The following SEC14L2 variants were observed in gnomAD, a reference collection of about 807,000 sequenced individuals.
SEC14L2 encodes the protein SEC14 like lipid binding 2.
In SEC14L2, 50 loss-of-function variants were observed where a neutral mutation model predicts 56.9. That is an observed-to-expected ratio of 0.88 (90% CI 0.70 to 1.11). SEC14L2 has a LOEUF of 1.11. Ranked by LOEUF, SEC14L2 falls within the 50% of genes most tolerant of loss-of-function variation. The probability of loss-of-function intolerance (pLI) is 0.00; values close to 1 mark genes in which losing one functional copy is unlikely to be tolerated. For missense variants in SEC14L2, 414 were observed against 500.7 expected (o/e 0.83, Z 1.65); for synonymous variants, 179 against 188.5 (o/e 0.95, Z 0.41).
In SEC14L2 at chr22:30,423,606, T is replaced by G. The variant is rs2146049361; in HGVS notation, c.*1199T>G. 1 of 152,394 alleles carries G rather than the reference T, an allele frequency of 6.6e-6. No individual in the cohort carries two copies. The highest frequency in any genetic ancestry group is 2.4e-5 in the African/African-American group (1 of 41,578). 9.4% of individuals were successfully genotyped at this position (152,394 alleles called of 1,614,324 possible). A position where few individuals can be genotyped will look rare whatever the true frequency, so the allele number is the denominator to read the frequency against. ...CACAGGTGCTGGGCTTTAGAGAACA[T>G]GGGAAGGCGGCCCCAGACCTGGCGG... On this transcript the variant is annotated 3_prime_UTR_variant, in exon 12 of 12. Coordinates refer to ENST00000615189, the MANE Select transcript of SEC14L2 (RefSeq NM_012429.5).
intron 2 of SEC14L2, among the ~76,000 whole-genome samples, chr22:30,403,896 G>A (rs948018528): frequency 6.6e-5 from 10 of 151,478 alleles, no homozygotes; most frequent in East Asian, 1.9e-4. Flanking sequence ...CCAGCTACTC[G>A]GGAGGCTGAG....
chr22:30,406,752 T>C (rs28570363), intron 3 of SEC14L2, among the ~76,000 whole-genome samples: 1 of 152,190 alleles, frequency 6.6e-6, no homozygotes, highest in South Asian at 2.1e-4. Flanking sequence ...TTTTCTTTTT[T>C]ATTTTTTTCT....
chr22:30,414,903 A>G (rs140405041), intron 8 of SEC14L2, among the ~76,000 whole-genome samples: 74 of 152,290 alleles, frequency 4.9e-4, no homozygotes, highest in African/African-American at 1.7e-3. Context: ...TTATTAAGTC[A>G]CGACTTAGCT....
chr22:30,416,619 A>G, intron 11 of SEC14L2: 1 of 1,459,712 alleles, frequency 6.9e-7, no homozygotes, highest in Non-Finnish European at 9.0e-7. Flanking sequence ...CTTTGATCTC[A>G]TACTCCTAGG....
At chr22:30,416,624 C>T in intron 11 of SEC14L2, 1 of 1,456,392 alleles carries the variant, frequency 6.9e-7, no homozygotes, top group East Asian at 2.5e-5. Flanking sequence ...ATCTCATACT[C>T]CTAGGTATGG....
intron 1 of SEC14L2, chr22:30,397,566 C>T (rs1171726475): frequency 3.6e-6 from 1 of 274,130 alleles, no homozygotes; most frequent in Non-Finnish European, 7.0e-6. Flanking sequence ...CTTGTAGGGT[C>T]AGTGGCACGA....
At chr22:30,408,940 C>T in intron 5 of SEC14L2, 1 of 563,514 alleles carries the variant, frequency 1.8e-6, no homozygotes. Flanking sequence ...CCAAAGCCAT[C>T]TCAGATGTCA....
intron 11 of SEC14L2, among the ~76,000 whole-genome samples, chr22:30,417,847 GCCT>G (rs1934426674): frequency 6.6e-6 from 1 of 151,890 alleles, no homozygotes; most frequent in Admixed American, 6.6e-5. Context: ...CTGAGATTTT[GCCT>G]CCTTCCTCAC....
chr22:30,406,746 CTTTT>C (rs1456743297), intron 3 of SEC14L2, among the ~76,000 whole-genome samples: 4 of 152,014 alleles, frequency 2.6e-5, no homozygotes, highest in Admixed American at 2.6e-4. Flanking sequence ...TTTTTGTTTT[CTTTT>C]TTATTTTTTT....
chr22:30,409,006 G>C, intron 5 of SEC14L2, 181 bp from the exon 6 acceptor site: 1 of 696,696 alleles, frequency 1.4e-6, no homozygotes, highest in Non-Finnish European at 2.7e-6. Context: ...GGCAGGAAGA[G>C]TGACTCGCCT....
At chr22:30,422,248 A>T (rs1569213544) in intron 11 of SEC14L2, 29 bp from the exon 12 acceptor site, 16 of 1,613,348 alleles carry the variant, frequency 9.9e-6, no homozygotes, top group Non-Finnish European at 1.3e-5. Flanking sequence ...AACTGCCTGA[A>T]TGTCTGTCTG....
rs1934577959 is a variant in SEC14L2 at position 30,423,494 on chromosome 22, C to G, written c.*1087C>G. ...GGAGGCCGCCCAAAGGCGGGGCCGG[C>G]GTCTCGCAGACTAGGGGCTGGGGGC... On this transcript the variant is annotated 3_prime_UTR_variant, in exon 12 of 12. Transcript: ENST00000615189. 1 of 152,464 alleles carries G rather than the reference C, an allele frequency of 6.6e-6. No homozygotes were observed. The highest frequency in any genetic ancestry group is 2.4e-5 in the African/African-American group (1 of 41,480). The allele number at this position is 152,464 out of a possible 1,614,324, so 9.4% of individuals were successfully genotyped here. A position where few individuals can be genotyped will look rare whatever the true frequency, so the allele number is the denominator to read the frequency against.
chr22:30,419,027 A>C (rs1934451876), intron 11 of SEC14L2, among the ~76,000 whole-genome samples: 1 of 152,192 alleles, frequency 6.6e-6, no homozygotes, highest in South Asian at 2.1e-4. Context: ...AGTACAGAAT[A>C]CTCAACTAGG....
At position 30,411,498 on chromosome 22, in the gene SEC14L2, C is replaced by T. The variant is rs572705084; in HGVS notation, c.664+819C>T. Among the ~76,000 whole-genome samples the T allele has an allele frequency of 2.6e-5, 4 of 152,146 alleles. 1 individual carries two copies. The South Asian group carries it at 8.3e-4, about 32-fold the overall frequency. ...CGGTGGCTCATGCCTGTAATCCCAG[C>T]ACTTTGGGAGGCCGAGGTAGGCGGA... On this transcript the variant is annotated intron_variant, in intron 8 of 11. Transcript: ENST00000615189.
intron 1 of SEC14L2, chr22:30,398,655 G>A (rs779561889): frequency 1.3e-5 from 6 of 466,204 alleles, no homozygotes; most frequent in South Asian, 3.1e-5. Context: ...TCTCTCCCCC[G>A]CTGCCTTTGA....
intron 5 of SEC14L2, among the ~76,000 whole-genome samples, chr22:30,408,593 TAAG>T (rs1042237129): frequency 1.3e-4 from 20 of 152,122 alleles, no homozygotes; most frequent in African/African-American, 4.3e-4. Flanking sequence ...CCAAAAAAAA[TAAG>T]GATAGCTGAT....
At chr22:30,419,625 G>A (rs1194180163) in intron 11 of SEC14L2, among the ~76,000 whole-genome samples, 3 of 152,116 alleles carry the variant, frequency 2.0e-5, no homozygotes, top group Admixed American at 6.5e-5. Flanking sequence ...GTTCTAAATC[G>A]TAAAGACCAA....
chr22:30,407,602 A>G lies in SEC14L2; in HGVS notation c.422A>G (p.Lys141Arg). ...LLQECAHQTTKLGRKVETITI... is the reference protein window; with the variant it reads ...LLQECAHQTTRLGRKVETITI... ...CAAGAGTGTGCCCACCAGACCACAA[A>G]GGTGAGTGGACCACCATGGCTAGAA... The change falls in exon 5 of 12, where the codon AAG (lysine) becomes AGG (arginine). Residue 141 changes from lysine (K) to arginine (R), a missense_variant and splice_region_variant. Physicochemically the swap from Lys to Arg is conservative, Grantham distance 26 (BLOSUM62 2). Coordinates refer to ENST00000615189, the MANE Select transcript of SEC14L2 (RefSeq NM_012429.5). 1.9e-6 allele frequency: 3 copies of G among 1,612,482 alleles called. No homozygotes were observed. Among genetic ancestry groups the G allele is most frequent in the Non-Finnish European group, 2.5e-6 (3 of 1,178,838 alleles).
chr22:30,415,655 A>G, intron 8 of SEC14L2, 104 bp from the exon 9 acceptor site: 1 of 911,006 alleles, frequency 1.1e-6, no homozygotes, highest in African/African-American at 1.6e-5. Context: ...GTGGGGTGCA[A>G]TGGATGGGTT....
Sources: allele counts gnomAD v4.1 joint callset (sites outside exome capture counted in the v4.1 genomes callset), GRCh38; gene constraint gnomAD v4.1.1; transcripts MANE v1.5; gene names NCBI Gene and HGNC (gene_info 2026-07-23, HGNC 2026-07-21).